Variants in ADAMTS19 observed in about 807,000 individuals in gnomAD.
ADAMTS19 encodes ADAM metallopeptidase with thrombospondin type 1 motif 19, also known as A disintegrin and metalloproteinase with thrombospondin motifs 19.
A neutral mutation model predicts 153.3 loss-of-function variants in ADAMTS19; 93 were observed. That is an observed-to-expected ratio of 0.61 (90% CI 0.51 to 0.72). The LOEUF (loss-of-function observed/expected upper bound fraction) is 0.72. ADAMTS19 is among the 30% of genes least tolerant of loss of function. The probability of loss-of-function intolerance (pLI) is 0.00; values close to 1 mark genes in which losing one functional copy is unlikely to be tolerated. For synonymous variants in ADAMTS19, 600 were observed against 556.6 expected (o/e 1.08, Z -1.10); for missense variants, 1,482 against 1,552.1 (o/e 0.95, Z 0.76).
Position 129,460,343 on chromosome 5 carries a change from G to C in ADAMTS19, c.-49G>C. The C allele has an allele frequency of 1.3e-6, 2 of 1,549,808 alleles. No homozygotes were observed. Among genetic ancestry groups the C allele is most frequent in the East Asian group, 2.3e-5 (1 of 43,832 alleles). On this transcript the variant is annotated 5_prime_UTR_variant, in exon 1 of 23. Coordinates refer to ENST00000274487, the MANE Select transcript of ADAMTS19 (RefSeq NM_133638.6). ...AGGCCGCTGCGCCCCGGAGTGGATC[G>C]CGCTGGAGGCGTGCGCCGGGCGAGA... is the stretch of plus-strand genomic sequence containing the variant.
At chr5:129,735,130 G>T in intron 22 of ADAMTS19, 21 bp downstream of exon 22, 1 of 1,500,324 alleles carries the variant, frequency 6.7e-7, no homozygotes, top group Non-Finnish European at 8.9e-7. Context: ...AAAAAAAAAA[G>T]ATGCTTTTGA....
At chr5:129,611,397 T>C (rs1751208737) in intron 8 of ADAMTS19, among the ~76,000 whole-genome samples, 2 of 152,228 alleles carry the variant, frequency 1.3e-5, no homozygotes, top group Non-Finnish European at 2.9e-5. Flanking sequence ...GCCTGGGTTT[T>C]CTTTTCGGGT....
intron 16 of ADAMTS19, among the ~76,000 whole-genome samples, chr5:129,672,902 C>T (rs1169941715): frequency 6.6e-6 from 1 of 151,568 alleles, no homozygotes; most frequent in Non-Finnish European, 1.5e-5. Flanking sequence ...TTCAGATATT[C>T]CTCTTCTTTT....
intron 8 of ADAMTS19, among the ~76,000 whole-genome samples, chr5:129,612,119 C>G (rs1164588070): frequency 2.7e-4 from 32 of 118,250 alleles, no homozygotes; most frequent in African/African-American, 9.6e-4. Flanking sequence ...GCTATCCCTC[C>G]CCCCTACCCC....
intron 7 of ADAMTS19, among the ~76,000 whole-genome samples, chr5:129,559,740 C>T (rs1261219156): frequency 6.6e-6 from 1 of 152,104 alleles, no homozygotes; most frequent in Non-Finnish European, 1.5e-5. Flanking sequence ...CTTTTCTTTT[C>T]TCTCAGGAAT....
At chr5:129,702,861 G>GA (rs1170225978) in intron 20 of ADAMTS19, among the ~76,000 whole-genome samples, 3 of 139,244 alleles carry the variant, frequency 2.2e-5, no homozygotes, top group African/African-American at 8.3e-5. Context: ...TATGCCAATT[G>GA]AAAAAACGTC....
intron 8 of ADAMTS19, among the ~76,000 whole-genome samples, chr5:129,606,115 A>G (rs896231596): frequency 6.6e-6 from 1 of 152,158 alleles, no homozygotes; most frequent in Non-Finnish European, 1.5e-5. Flanking sequence ...ATGCAAAGTT[A>G]CCTCCTTGAA....
At chr5:129,499,818 A>G (rs1751040755) in intron 2 of ADAMTS19, among the ~76,000 whole-genome samples, 1 of 152,120 alleles carries the variant, frequency 6.6e-6, no homozygotes, top group South Asian at 2.1e-4. Context: ...CTTTCTGATA[A>G]CCATTTCACA....
At chr5:129,600,764 A>T (rs1169113158) in intron 8 of ADAMTS19, among the ~76,000 whole-genome samples, 1 of 152,190 alleles carries the variant, frequency 6.6e-6, no homozygotes, top group East Asian at 1.9e-4. Flanking sequence ...GTAAATTAAG[A>T]TCTACAGTAA....
At chr5:129,551,451 A>G (rs56180954) in intron 6 of ADAMTS19, among the ~76,000 whole-genome samples, 37,423 of 151,540 alleles carry the variant, frequency 0.25, 4,957 homozygotes, top group African/African-American at 0.33. Context: ...TGTTGTTTTA[A>G]GTTGTATTTC....
At chr5:129,658,116 C>G (rs1000143346) in intron 14 of ADAMTS19, among the ~76,000 whole-genome samples, 2 of 151,722 alleles carry the variant, frequency 1.3e-5, no homozygotes, top group Non-Finnish European at 2.9e-5. Context: ...GAAACCTTGT[C>G]TCAACAAAAA....
chr5:129,624,170 G>C (rs1359677269), intron 10 of ADAMTS19, among the ~76,000 whole-genome samples: 1 of 149,506 alleles, frequency 6.7e-6, no homozygotes, highest in African/African-American at 2.5e-5. Context: ...ACGGACTATG[G>C]AGCTTGAAAG....
At chr5:129,720,706 A>G (rs1033273980) in intron 21 of ADAMTS19, among the ~76,000 whole-genome samples, 4 of 152,220 alleles carry the variant, frequency 2.6e-5, no homozygotes, top group African/African-American at 4.8e-5. Context: ...AAGCCATACA[A>G]GAGTCAGAGG....
At chr5:129,620,138 G>A (rs912765957) in intron 8 of ADAMTS19, among the ~76,000 whole-genome samples, 3 of 151,842 alleles carry the variant, frequency 2.0e-5, no homozygotes, top group Non-Finnish European at 4.4e-5. Context: ...GCTATATGAT[G>A]TGGGAGGAAG....
At chr5:129,580,128 G>T (rs1164615108) in intron 7 of ADAMTS19, among the ~76,000 whole-genome samples, 1 of 152,088 alleles carries the variant, frequency 6.6e-6, no homozygotes, top group Non-Finnish European at 1.5e-5. Flanking sequence ...GTGGTTTGTA[G>T]TTCTCCTTGA....
intron 7 of ADAMTS19, among the ~76,000 whole-genome samples, chr5:129,588,211 T>C (rs1248092800): frequency 1.3e-5 from 2 of 152,140 alleles, no homozygotes; most frequent in Non-Finnish European, 2.9e-5. Flanking sequence ...AAAACTCTGT[T>C]CCAAAATATC....
chr5:129,692,398 T>C (rs1364820303), intron 18 of ADAMTS19, among the ~76,000 whole-genome samples: 3 of 152,114 alleles, frequency 2.0e-5, no homozygotes, highest in African/African-American at 7.2e-5. Context: ...TGAAAATTAT[T>C]TGAAGTTGTT....
intron 8 of ADAMTS19, among the ~76,000 whole-genome samples, chr5:129,611,503 A>G (rs568587183): frequency 1.3e-5 from 2 of 152,202 alleles, no homozygotes; most frequent in South Asian, 4.1e-4. Context: ...AGCTTTCTAC[A>G]TATGGCTAGC....
chr5:129,553,497 G>A (rs983606231), intron 7 of ADAMTS19, among the ~76,000 whole-genome samples: 1 of 152,140 alleles, frequency 6.6e-6, no homozygotes, highest in Non-Finnish European at 1.5e-5. Flanking sequence ...TGGCAGGAAA[G>A]CAATTTATTG....
Sources: gnomAD v4.1 joint callset for allele counts (sites outside exome capture counted in the v4.1 genomes callset) on GRCh38, gnomAD v4.1.1 for gene constraint, MANE v1.5 for transcripts, NCBI Gene and HGNC (gene_info 2026-07-23, HGNC 2026-07-21) for gene names.